The following SHB variants were observed in gnomAD, a reference collection of about 807,000 sequenced individuals.
SHB encodes the protein SH2 domain containing adaptor protein B.
SHB carries 20 observed loss-of-function variants against 52.3 expected under a neutral mutation model. The observed-to-expected ratio is 0.38, with a 90% CI of 0.27 to 0.56. The LOEUF (loss-of-function observed/expected upper bound fraction) is 0.56, where lower values mean the gene tolerates loss of function less well. Among genes scored for constraint, SHB ranks in the 20% least tolerant of loss-of-function variants. SHB has a pLI of 0.71. For missense variants in SHB, 825 were observed against 723.3 expected, an observed-to-expected ratio of 1.14 and a Z score of -1.61; for synonymous variants, 397 against 316.5, an observed-to-expected ratio of 1.25 and a Z score of -2.70.
At chr9:38,059,009 G>C (rs1821857610) in intron 1 of SHB, among the ~76,000 whole-genome samples, 1 of 152,344 alleles carries the variant, frequency 6.6e-6, no homozygotes, top group African/African-American at 2.4e-5. Context: ...TGTCATGAGA[G>C]AGCAAGCTCA....
At chr9:38,032,836 A>C (rs1821433595) in intron 1 of SHB, among the ~76,000 whole-genome samples, 1 of 152,184 alleles carries the variant, frequency 6.6e-6, no homozygotes, top group African/African-American at 2.4e-5. Flanking sequence ...CCCGGACCCC[A>C]ACACCAAACC....
At position 38,068,768 on chromosome 9, in the gene SHB, C is replaced by T. The variant is rs1822014574; in HGVS notation, c.-123G>A. The T allele has an allele frequency of 1.6e-5, 4 of 244,172 alleles. No individual in the cohort carries two copies. The highest frequency in any genetic ancestry group is 7.0e-5 in the African/African-American group (3 of 42,894). The allele number at this position is 244,172 out of a possible 1,614,324, so 15.1% of individuals were successfully genotyped here. ...CCCGGCGGGGGGCGTCCGGGGCGCC[C>T]GCTCCCGACGCCAAGTTCAAGTTCT... On this transcript the variant is annotated 5_prime_UTR_variant, in exon 1 of 6. Coordinates refer to ENST00000377707, the MANE Select transcript of SHB (RefSeq NM_003028.3).
intron 3 of SHB, among the ~76,000 whole-genome samples, chr9:37,959,895 TC>T (rs1479222866): frequency 1.3e-5 from 2 of 151,952 alleles, no homozygotes; most frequent in East Asian, 1.9e-4. Flanking sequence ...ATGTGCCCCT[TC>T]CCCCATACCT....
At chr9:38,030,980 T>C (rs963414775) in intron 1 of SHB, among the ~76,000 whole-genome samples, 1 of 151,332 alleles carries the variant, frequency 6.6e-6, no homozygotes, top group Admixed American at 6.6e-5. Flanking sequence ...AAAGACAAGA[T>C]CACGCACACT....
chr9:38,058,965 C>T (rs1482190847), intron 1 of SHB, among the ~76,000 whole-genome samples: 1 of 152,144 alleles, frequency 6.6e-6, no homozygotes, highest in Non-Finnish European at 1.5e-5. Flanking sequence ...CTCCACAGTC[C>T]CCACCCCTGA....
chr9:37,922,164 G>A (rs1042369494), intron 5 of SHB, among the ~76,000 whole-genome samples: 2 of 152,268 alleles, frequency 1.3e-5, no homozygotes, highest in Non-Finnish European at 2.9e-5. Context: ...CAGGCAGAGG[G>A]TCACAGCCGC....
Position 38,068,576 on chromosome 9 carries a change from G to C in SHB, c.70C>G (p.Arg24Gly). ...CGCCGCTGCTCGCGGTAGTCTGGCCGCGGCGGCTGCGGGGGGCTCTTGGTC... is the reference window on the plus strand; with the variant it reads ...CGCCGCTGCTCGCGGTAGTCTGGCCCCGGCGGCTGCGGGGGGCTCTTGGTC... ...SKTKSPPQPP[R>G]PDYREQRRRG... Residue 24 changes from arginine (R) to glycine (G), a missense_variant, in exon 1 of 6, where the codon CGG becomes GGG. Transcript: ENST00000377707. 6.7e-7 allele frequency: 1 copy of C among 1,488,616 alleles called. No individual in the cohort carries two copies. The highest frequency in any genetic ancestry group is 8.8e-7 in the Non-Finnish European group (1 of 1,130,292). 92.2% of individuals were successfully genotyped at this position (1,488,616 alleles called of 1,614,324 possible). A position where few individuals can be genotyped will look rare whatever the true frequency, so the allele number is the denominator to read the frequency against.
At chr9:38,003,651 A>G (rs1186845293) in intron 2 of SHB, among the ~76,000 whole-genome samples, 1 of 152,318 alleles carries the variant, frequency 6.6e-6, no homozygotes, top group Non-Finnish European at 1.5e-5. Flanking sequence ...AGGGGAGGAC[A>G]GGAGCATGGG....
intron 2 of SHB, among the ~76,000 whole-genome samples, chr9:38,001,344 C>G (rs1564098724): frequency 6.6e-6 from 1 of 152,236 alleles, no homozygotes; most frequent in Non-Finnish European, 1.5e-5. Flanking sequence ...AGGAGATAAT[C>G]GTCAAGCACA....
intron 2 of SHB, among the ~76,000 whole-genome samples, chr9:37,978,966 T>C (rs1820688830): frequency 6.6e-6 from 1 of 152,138 alleles, no homozygotes; most frequent in African/African-American, 2.4e-5. Context: ...CCTGAGAAAA[T>C]GCCCATTTGG....
At chr9:38,036,162 A>C (rs1328619669) in intron 1 of SHB, among the ~76,000 whole-genome samples, 1 of 152,196 alleles carries the variant, frequency 6.6e-6, no homozygotes, top group African/African-American at 2.4e-5. Flanking sequence ...CTTCTTGCTC[A>C]AGCCCTGCTG....
intron 1 of SHB, among the ~76,000 whole-genome samples, chr9:38,026,751 C>A (rs1253867535): frequency 6.6e-6 from 1 of 152,248 alleles, no homozygotes; most frequent in African/African-American, 2.4e-5. Flanking sequence ...CTGTTTCTCA[C>A]ATGTACTCGG....
rs144749866 is a variant in SHB, at chr9:38,049,089, C to T, written c.717+18840G>A. Among the ~76,000 whole-genome samples, 672 of 152,336 alleles carry T rather than the reference C, an allele frequency of 4.4e-3. 4 individuals carry two copies. Among genetic ancestry groups the T allele is most frequent in the African/African-American group, 0.015 (619 of 41,580 alleles). On this transcript the variant is annotated intron_variant, in intron 1 of 5. Transcript: ENST00000377707. ...AGACTGGAGTGCAGTAGCGCCATCTCGGCTCACTGCAGCCGTAACCTCCCA... is the reference window on the plus strand; with the variant it reads ...AGACTGGAGTGCAGTAGCGCCATCTTGGCTCACTGCAGCCGTAACCTCCCA...
chr9:37,942,422 G>A (rs1832444963), intron 5 of SHB, among the ~76,000 whole-genome samples: 1 of 152,172 alleles, frequency 6.6e-6, no homozygotes, highest in Non-Finnish European at 1.5e-5. Context: ...TCAGACCCCA[G>A]ACCCTCATTT....
At chr9:37,989,791 C>T (rs550578725) in intron 2 of SHB, among the ~76,000 whole-genome samples, 2 of 152,094 alleles carry the variant, frequency 1.3e-5, no homozygotes, top group Admixed American at 6.5e-5. Flanking sequence ...TTGCTGTTTT[C>T]GCTTTTGTTT....
intron 2 of SHB, among the ~76,000 whole-genome samples, chr9:37,978,609 C>A (rs193254276): frequency 6.6e-6 from 1 of 152,080 alleles, no homozygotes; most frequent in East Asian, 1.9e-4. Context: ...AACAAGTCTC[C>A]GTCAATATGA....
rs1832129465 is a variant in SHB, at chr9:37,918,389, TTGTGTGTGGAAG to T, written c.*1420_*1431del. On this transcript the variant is annotated 3_prime_UTR_variant, in exon 6 of 6. Coordinates refer to ENST00000377707, the MANE Select transcript of SHB (RefSeq NM_003028.3). Reference sequence around the variant, plus strand: ...TGTGCGTGTGCGTGTGTAGGTGTTCTTGTGTGTGGAAGCAGTGTGGACCACTGAGGGCTGTGT... The same window carrying T: ...TGTGCGTGTGCGTGTGTAGGTGTTCTCAGTGTGGACCACTGAGGGCTGTGT... Among the ~76,000 whole-genome samples, 1 of 116,614 alleles carries T rather than the reference TTGTGTGTGGAAG, an allele frequency of 8.6e-6. No homozygotes were observed. Among genetic ancestry groups the T allele is most frequent in the Non-Finnish European group, 1.9e-5 (1 of 51,814 alleles). 76.5% of individuals were successfully genotyped at this position (116,614 alleles called of 152,430 possible).
At chr9:37,945,877 ATG>A (rs1338722559) in intron 5 of SHB, among the ~76,000 whole-genome samples, 1 of 152,170 alleles carries the variant, frequency 6.6e-6, no homozygotes, top group African/African-American at 2.4e-5. Context: ...CACTGGACAG[ATG>A]TAGGGGAAGA....
At chr9:38,009,514 C>T (rs759685983) in intron 2 of SHB, among the ~76,000 whole-genome samples, 4 of 152,226 alleles carry the variant, frequency 2.6e-5, no homozygotes, top group Non-Finnish European at 4.4e-5. Flanking sequence ...AGCAACCTGC[C>T]CAAGGGCAGA....
Sources: gnomAD v4.1 joint callset for allele counts (sites outside exome capture counted in the v4.1 genomes callset) on GRCh38, gnomAD v4.1.1 for gene constraint, MANE v1.5 for transcripts, NCBI Gene and HGNC (gene_info 2026-07-23, HGNC 2026-07-21) for gene names.